Variants in HS6ST2 observed in about 807,000 individuals in gnomAD.
The protein encoded by HS6ST2 is heparan sulfate 6-O-sulfotransferase 2.
HS6ST2 carries 17 observed loss-of-function variants against 33.0 expected under a neutral mutation model. That is an observed-to-expected ratio of 0.52 (90% CI 0.35 to 0.77). HS6ST2 has a LOEUF of 0.77. HS6ST2 is among the 30% of genes least tolerant of loss of function. The probability of loss-of-function intolerance (pLI) is 0.01; values close to 1 mark genes in which losing one functional copy is unlikely to be tolerated. For missense variants in HS6ST2, 519 were observed against 551.7 expected, an observed-to-expected ratio of 0.94 and a Z score of 0.59; for synonymous variants, 248 against 237.1, an observed-to-expected ratio of 1.05 and a Z score of -0.42.
At chrX:132,848,211 T>A (rs1250825885) in intron 2 of HS6ST2, among the ~76,000 whole-genome samples, 1 of 111,856 alleles carries the variant, frequency 8.9e-6, no homozygotes, top group Non-Finnish European at 1.9e-5. Context: ...ATCAGAAAGA[T>A]CATCTGTTCT....
chrX:132,882,027 G>C (rs1246304835), intron 2 of HS6ST2, among the ~76,000 whole-genome samples: 1 of 111,629 alleles, frequency 9.0e-6, no homozygotes, highest in East Asian at 2.8e-4. Context: ...GGTTACTGTA[G>C]CCTTGTAGTA....
At chrX:132,874,064 G>A (rs761230276) in intron 2 of HS6ST2, among the ~76,000 whole-genome samples, 3 of 111,055 alleles carry the variant, frequency 2.7e-5, no homozygotes, top group Non-Finnish European at 5.7e-5. Flanking sequence ...TGCCCTCCGC[G>A]AGGTCTATCG....
chrX:132,959,892 G>A (rs926415280), upstream of HS6ST2, among the ~76,000 whole-genome samples: 3 of 112,185 alleles, frequency 2.7e-5, no homozygotes, highest in South Asian at 1.1e-3. Flanking sequence ...GGAACAGGCC[G>A]TTCTCAGGCA....
intron 4 of HS6ST2, among the ~76,000 whole-genome samples, chrX:132,631,770 A>G (rs2063519340): frequency 9.0e-6 from 1 of 111,242 alleles, no homozygotes; most frequent in South Asian, 3.8e-4. Flanking sequence ...AACTTCTTGT[A>G]TTGGTTTAAG....
At chrX:132,922,896 C>G (rs923140823) in intron 2 of HS6ST2, among the ~76,000 whole-genome samples, 5 of 110,045 alleles carry the variant, frequency 4.5e-5, no homozygotes, top group Non-Finnish European at 9.5e-5. Flanking sequence ...AACCCTGTCT[C>G]TACTAAAAAT....
intron 2 of HS6ST2, among the ~76,000 whole-genome samples, chrX:132,848,767 A>C (rs1247562277): frequency 8.9e-6 from 1 of 111,905 alleles, no homozygotes; most frequent in African/African-American, 3.2e-5. Context: ...GAATTACCGA[A>C]GTGTCTAACT....
chrX:132,898,915 A>G (rs1231420543), intron 2 of HS6ST2, among the ~76,000 whole-genome samples: 1 of 110,935 alleles, frequency 9.0e-6, no homozygotes, highest in Non-Finnish European at 1.9e-5. Flanking sequence ...AGAATTGCTA[A>G]AAAAAGAAAA....
intron 2 of HS6ST2, among the ~76,000 whole-genome samples, chrX:132,779,742 G>C (rs1392178931): frequency 9.2e-6 from 1 of 108,819 alleles, no homozygotes; most frequent in East Asian, 2.8e-4. Context: ...CCATGTGCCT[G>C]GTCTGTGCTA....
chrX:132,916,462 G>A (rs968778145), intron 2 of HS6ST2, among the ~76,000 whole-genome samples: 5 of 108,389 alleles, frequency 4.6e-5, no homozygotes, highest in African/African-American at 1.7e-4. Flanking sequence ...ATTGGATTAC[G>A]GATGCAAAGT....
At chrX:132,926,669 T>C (rs780362987) in intron 2 of HS6ST2, among the ~76,000 whole-genome samples, 27 of 112,250 alleles carry the variant, frequency 2.4e-4, no homozygotes, top group African/African-American at 3.6e-4. Context: ...ACACCTATAA[T>C]CCTAGCACTT....
At chrX:132,709,487 T>C (rs981205928) in intron 2 of HS6ST2, among the ~76,000 whole-genome samples, 4 of 111,232 alleles carry the variant, frequency 3.6e-5, no homozygotes, top group African/African-American at 9.8e-5. Context: ...GGCTCTTTTA[T>C]TATCAGTCTC....
chrX:132,896,223 C>T (rs2066373889), intron 2 of HS6ST2, among the ~76,000 whole-genome samples: 1 of 110,890 alleles, frequency 9.0e-6, no homozygotes, highest in Non-Finnish European at 1.9e-5. Flanking sequence ...GTAATCCCAG[C>T]ACTTTGGGAG....
At chrX:132,803,575 A>T (rs990493636) in intron 2 of HS6ST2, among the ~76,000 whole-genome samples, 10 of 110,886 alleles carry the variant, frequency 9.0e-5, no homozygotes, top group Middle Eastern at 4.7e-3. Context: ...TTCCTGGCTA[A>T]TTTTTGTATT....
chrX:132,801,856 T>C (rs1320446450), intron 2 of HS6ST2, among the ~76,000 whole-genome samples: 1 of 112,202 alleles, frequency 8.9e-6, no homozygotes, highest in Non-Finnish European at 1.9e-5. Flanking sequence ...ATTTTAAAAA[T>C]TCATACCGAA....
At chrX:132,744,744 G>C (rs2064619801) in intron 2 of HS6ST2, among the ~76,000 whole-genome samples, 2 of 111,429 alleles carry the variant, frequency 1.8e-5, no homozygotes, top group Admixed American at 1.9e-4. Context: ...GGCTCTCTCT[G>C]TAAGCCTCAA....
intron 2 of HS6ST2, among the ~76,000 whole-genome samples, chrX:132,938,951 G>A (rs1328644010): frequency 8.9e-6 from 1 of 111,950 alleles, no homozygotes; most frequent in Non-Finnish European, 1.9e-5. Flanking sequence ...CTAGCATAGT[G>A]TTGGCTTCTG....
rs142361882 is a variant in HS6ST2, at chrX:132,714,157, C to T, written c.948-5663G>A. On this transcript the variant is annotated intron_variant, in intron 2 of 4. Coordinates refer to ENST00000370833, the MANE Select transcript of HS6ST2 (RefSeq NM_001394073.1). The stretch of plus-strand genomic sequence containing the variant: ...TATAGCACAAGGTAACAGAAAGAGG[C>T]CTGGAATAGAAATAAAAAACTGATA... 6.2e-3 allele frequency among the ~76,000 whole-genome samples: 691 copies of T among 111,120 alleles called. 4 individuals carry two copies. Among genetic ancestry groups the T allele is most frequent in the African/African-American group, 0.021 (649 of 30,548 alleles).
At chrX:132,901,321 A>G (rs945305978) in intron 2 of HS6ST2, among the ~76,000 whole-genome samples, 1 of 111,993 alleles carries the variant, frequency 8.9e-6, no homozygotes, top group Non-Finnish European at 1.9e-5. Context: ...GTTGTCATGC[A>G]GCAATATATA....
chrX:132,807,109 G>A lies in HS6ST2; in HGVS notation c.948-98615C>T, dbSNP rs781617283. On this transcript the variant is annotated intron_variant, in intron 2 of 4. Transcript: ENST00000370833. ...AATGGCCGAAATGGCAATTACTTTC[G>A]GACCAACCTAATAGTAGATCCAGGA... Among the ~76,000 whole-genome samples, 8 of 109,852 alleles carry A rather than the reference G, an allele frequency of 7.3e-5. No homozygotes were observed. In the East Asian group the frequency reaches 1.7e-3, roughly 23 times the overall value.
Sources: gnomAD v4.1 joint callset for allele counts (sites outside exome capture counted in the v4.1 genomes callset) on GRCh38, gnomAD v4.1.1 for gene constraint, MANE v1.5 for transcripts, NCBI Gene and HGNC (gene_info 2026-07-23, HGNC 2026-07-21) for gene names.